Variants in POU6F2 observed in about 807,000 individuals in gnomAD.
POU6F2 encodes the protein POU class 6 homeobox 2.
Under a neutral mutation model 71.3 loss-of-function variants are expected in POU6F2, and 31 were observed. That is an observed-to-expected ratio of 0.43 (90% confidence interval 0.33 to 0.59). The LOEUF is 0.59. POU6F2 is among the 20% of genes least tolerant of loss of function. The probability of loss-of-function intolerance (pLI) is 0.04; values close to 1 mark genes in which losing one functional copy is unlikely to be tolerated. For missense variants in POU6F2, 783 were observed against 856.8 expected, an observed-to-expected ratio of 0.91 and a Z score of 1.07; for synonymous variants, 347 against 355.7, an observed-to-expected ratio of 0.98 and a Z score of 0.27.
At chr7:39,060,010 C>G (rs763591080) in intron 1 of POU6F2, among the ~76,000 whole-genome samples, 6 of 152,056 alleles carry the variant, frequency 3.9e-5, no homozygotes, top group Non-Finnish European at 7.4e-5. Flanking sequence ...GAGTTTGAGA[C>G]CAGCCTGGCC....
intron 1 of POU6F2, among the ~76,000 whole-genome samples, chr7:38,989,211 T>C (rs986937375): frequency 2.0e-5 from 3 of 152,096 alleles, no homozygotes; most frequent in Non-Finnish European, 1.5e-5. Flanking sequence ...CGACTTCAAA[T>C]ACAGTGTCCC....
At chr7:39,364,178 G>T (rs11971775) in intron 5 of POU6F2, among the ~76,000 whole-genome samples, 1 of 151,734 alleles carries the variant, frequency 6.6e-6, no homozygotes, top group Non-Finnish European at 1.5e-5. Context: ...CCACAGGAAC[G>T]GAACACAGAC....
chr7:39,460,703 C>T lies in POU6F2; in HGVS notation c.1646C>T (p.Ser549Leu), dbSNP rs199649027. ...ACAGAGGGCCCCGCGTACAGCCAGTCGGCCATCTGCAGGTAACGCGCGCCT... is the reference window on the plus strand; with the variant it reads ...ACAGAGGGCCCCGCGTACAGCCAGTTGGCCATCTGCAGGTAACGCGCGCCT... Reference protein sequence around the residue: ...SATEGPAYSQSAICRHTILRS... With the variant: ...SATEGPAYSQLAICRHTILRS... Residue 549 changes from serine (S) to leucine (L), a missense_variant, in exon 9 of 10, where the codon TCG (serine) becomes TTG (leucine). Ser to Leu is a moderately radical substitution (Grantham distance 145). Coordinates refer to ENST00000518318, the MANE Select transcript of POU6F2 (RefSeq NM_001370959.1). The surrounding 1 kb of genome is among the most constrained non-coding windows in gnomAD (Gnocchi z 4.4). The T allele has an allele frequency of 4.4e-6, 7 of 1,600,074 alleles. No homozygotes were observed. In the East Asian group the frequency reaches 6.8e-5, roughly 15 times the overall value.
At chr7:39,130,307 AG>A (rs1472535338) in intron 2 of POU6F2, among the ~76,000 whole-genome samples, 40 of 152,178 alleles carry the variant, frequency 2.6e-4, no homozygotes, top group Non-Finnish European at 1.5e-4. Flanking sequence ...GGAAGGCAGG[AG>A]AACACTGCAG....
chr7:39,252,467 T>A (rs1042758363), intron 4 of POU6F2, among the ~76,000 whole-genome samples: 1 of 151,082 alleles, frequency 6.6e-6, no homozygotes, highest in African/African-American at 2.4e-5. Context: ...GAAAAATATC[T>A]GAATAAAATC....
intron 5 of POU6F2, among the ~76,000 whole-genome samples, chr7:39,352,330 C>T (rs998787793): frequency 1.3e-5 from 2 of 152,200 alleles, no homozygotes; most frequent in Admixed American, 6.5e-5. Context: ...TCACACATAC[C>T]TGTCCCCACT....
chr7:39,433,493 A>T (rs1788161156), intron 7 of POU6F2, among the ~76,000 whole-genome samples: 1 of 152,256 alleles, frequency 6.6e-6, no homozygotes, highest in African/African-American at 2.4e-5. Context: ...TAATATAAAA[A>T]TAAGAATATA....
At chr7:39,204,865 A>C (rs773823583) in intron 3 of POU6F2, among the ~76,000 whole-genome samples, 1 of 150,460 alleles carries the variant, frequency 6.6e-6, no homozygotes, top group Non-Finnish European at 1.5e-5. Context: ...GGTGTGGGCT[A>C]TATGGAGATG....
intron 1 of POU6F2, among the ~76,000 whole-genome samples, chr7:39,018,414 T>C (rs1239939980): frequency 1.3e-5 from 2 of 152,156 alleles, no homozygotes; most frequent in East Asian, 3.8e-4. Flanking sequence ...CCTGAACTTA[T>C]TTGGTGACAA....
intron 2 of POU6F2, among the ~76,000 whole-genome samples, chr7:39,098,628 G>T (rs548173992): frequency 2.6e-5 from 4 of 152,292 alleles, no homozygotes; most frequent in African/African-American, 9.6e-5. Flanking sequence ...GAGTCAGGTT[G>T]TGTGGGCTTG....
At chr7:39,040,425 A>G (rs955316958) in intron 1 of POU6F2, among the ~76,000 whole-genome samples, 3 of 151,434 alleles carry the variant, frequency 2.0e-5, no homozygotes, top group African/African-American at 7.3e-5. Flanking sequence ...TTAGCCAGTA[A>G]TTAATGCCAC....
intron 1 of POU6F2, among the ~76,000 whole-genome samples, chr7:39,010,721 G>A (rs1421648449): frequency 3.6e-5 from 5 of 140,108 alleles, no homozygotes; most frequent in African/African-American, 1.3e-4. Flanking sequence ...CTGGTATGTT[G>A]TGTCTTTGTT....
intron 1 of POU6F2, among the ~76,000 whole-genome samples, chr7:39,059,637 A>T (rs2128715719): frequency 6.6e-6 from 1 of 152,338 alleles, no homozygotes; most frequent in Non-Finnish European, 1.5e-5. Context: ...CAAAATGTTA[A>T]ACCTATAGTT....
At chr7:39,411,260 T>TA (rs2115915371) in intron 6 of POU6F2, among the ~76,000 whole-genome samples, 1 of 152,340 alleles carries the variant, frequency 6.6e-6, no homozygotes, top group South Asian at 2.1e-4. Flanking sequence ...ATTCAGTGGG[T>TA]ATGTTCAAGA....
intron 5 of POU6F2, among the ~76,000 whole-genome samples, chr7:39,365,977 G>A (rs1243227697): frequency 6.6e-6 from 1 of 152,226 alleles, no homozygotes; most frequent in Non-Finnish European, 1.5e-5. Context: ...CACAGAGCAG[G>A]TGCAAAGTTG....
At chr7:39,063,250 C>T (rs1348024464) in intron 1 of POU6F2, among the ~76,000 whole-genome samples, 1 of 152,132 alleles carries the variant, frequency 6.6e-6, no homozygotes, top group African/African-American at 2.4e-5. Context: ...CAGCTCATGC[C>T]TGTAATCCCA....
chr7:39,305,834 G>A (rs1785037883), intron 4 of POU6F2, among the ~76,000 whole-genome samples: 1 of 152,194 alleles, frequency 6.6e-6, no homozygotes, highest in Admixed American at 6.5e-5. Flanking sequence ...GAATTGTCAT[G>A]TATGTGATTT....
chr7:39,220,369 C>T (rs1022556780), intron 4 of POU6F2, among the ~76,000 whole-genome samples: 2 of 152,172 alleles, frequency 1.3e-5, no homozygotes, highest in African/African-American at 4.8e-5. Context: ...CAACTTGATG[C>T]CCTAGTACAT....
chr7:39,156,094 A>C (rs1353227657), intron 2 of POU6F2, among the ~76,000 whole-genome samples: 1 of 152,170 alleles, frequency 6.6e-6, no homozygotes, highest in East Asian at 1.9e-4. Context: ...GACCTAAGAA[A>C]ATGTCTATAT....
Sources: gnomAD v4.1 joint callset for allele counts (sites outside exome capture counted in the v4.1 genomes callset) on GRCh38, gnomAD v4.1.1 for gene constraint, Gnocchi (gnomAD v3.1) non-coding constraint, MANE v1.5 for transcripts, NCBI Gene and HGNC (gene_info 2026-07-23, HGNC 2026-07-21) for gene names.